MTARC1: variants seen among roughly 807,000 people sequenced by gnomAD.
MTARC1 encodes the protein mitochondrial amidoxime reducing component 1, also known as mitochondrial amidoxime-reducing component 1.
Under a neutral mutation model 33.6 loss-of-function variants are expected in MTARC1, and 24 were observed. The observed-to-expected ratio is 0.72, with a 90% CI of 0.52 to 1.01. The LOEUF is 1.01. MTARC1 is among the 50% of genes least tolerant of loss of function. MTARC1 has a pLI of 0.00. For missense variants in MTARC1, 417 were observed against 445.7 expected (o/e 0.94, Z 0.58); for synonymous variants, 187 against 189.5 (o/e 0.99, Z 0.11).
At chr1:220,800,304 T>A (rs895978944) in intron 4 of MTARC1, among the ~76,000 whole-genome samples, 1 of 152,214 alleles carries the variant, frequency 6.6e-6, no homozygotes, top group African/African-American at 2.4e-5. Context: ...AATTCACCCA[T>A]CATCGAGTGG....
rs1216589923 is a variant in MTARC1 at position 220,814,294 on chromosome 1, AT to A, written c.*882del. 1 of 152,248 alleles carries A rather than the reference AT, an allele frequency of 6.6e-6. No individual in the cohort carries two copies. Among genetic ancestry groups the A allele is most frequent in the African/African-American group, 2.4e-5 (1 of 41,474 alleles). 9.4% of individuals were successfully genotyped at this position (152,248 alleles called of 1,614,324 possible). A position where few individuals can be genotyped will look rare whatever the true frequency, so the allele number is the denominator to read the frequency against. On this transcript the variant is annotated 3_prime_UTR_variant, in exon 7 of 7. Transcript: ENST00000366910. ...ATAACTCTAAGATCTGATGAAGTAT[AT>A]TTTTTATTGCCATTTTGTCCTTTGA...
At position 220,805,133 on chromosome 1, in the gene MTARC1, C is replaced by T. The variant is rs1033684396; in HGVS notation, c.815+20C>T. The T allele has an allele frequency of 2.8e-5, 45 of 1,614,008 alleles. No homozygotes were observed. Among genetic ancestry groups the T allele is most frequent in the Non-Finnish European group, 3.7e-5 (44 of 1,180,014 alleles). Reference sequence around the variant, plus strand: ...TTCCAGGTAAGGTGCTTTCCTGTCCCTGTGGGGTGGAGGTGGGGATAAGTT... The same window carrying T: ...TTCCAGGTAAGGTGCTTTCCTGTCCTTGTGGGGTGGAGGTGGGGATAAGTT... On this transcript the variant is annotated intron_variant, in intron 5 of 6. Coordinates refer to ENST00000366910, the MANE Select transcript of MTARC1 (RefSeq NM_022746.4).
chr1:220,786,990 G>T lies in MTARC1; in HGVS notation c.46G>T (p.Ala16Ser). The change falls in exon 1 of 7, where the codon GCG becomes TCG. Residue 16 changes from alanine to serine, a missense_variant. Physicochemically the swap from Ala to Ser is moderately conservative, Grantham distance 99 (BLOSUM62 1). Coordinates refer to ENST00000366910, the MANE Select transcript of MTARC1 (RefSeq NM_022746.4). ...SSALARFVLL[A>S]QSRPGWLGVA... Reference sequence around the variant, plus strand: ...CGCGCTGGCGCGCTTTGTCCTCCTCGCGCAATCCCGGCCCGGGTGGCTCGG... The same window carrying T: ...CGCGCTGGCGCGCTTTGTCCTCCTCTCGCAATCCCGGCCCGGGTGGCTCGG... 3.1e-6 allele frequency: 4 copies of T among 1,283,654 alleles called. No homozygotes were observed. The South Asian group carries it at 1.2e-4, about 38-fold the overall frequency. 79.5% of individuals were successfully genotyped at this position (1,283,654 alleles called of 1,614,324 possible).
intron 4 of MTARC1, 28 bp from the exon 5 acceptor site, chr1:220,805,024 T>C (rs1189879735): frequency 1.2e-6 from 2 of 1,611,982 alleles, no homozygotes; most frequent in South Asian, 1.1e-5. Flanking sequence ...CCAGAGATGC[T>C]CATGGGAATT....
chr1:220,787,228 AAGCGCCGGCGCGGGGC>A lies in MTARC1; in HGVS notation c.275+15_275+30del. Reference sequence around the variant, plus strand: ...GGCAACCTGCGGGACAGGTACGGCCAAGCGCCGGCGCGGGGCAGCGCTGATCCGGCTCGGGGCAAGG... The same window carrying A: ...GGCAACCTGCGGGACAGGTACGGCCAAGCGCTGATCCGGCTCGGGGCAAGG... On this transcript the variant is annotated intron_variant, in intron 1 of 6. Coordinates refer to ENST00000366910, the MANE Select transcript of MTARC1 (RefSeq NM_022746.4). The A allele has an allele frequency of 6.4e-7, 1 of 1,557,746 alleles. No individual in the cohort carries two copies. Among genetic ancestry groups the A allele is most frequent in the South Asian group, 1.2e-5 (1 of 84,854 alleles).
chr1:220,792,732 A>G (rs1372348985), intron 2 of MTARC1, among the ~76,000 whole-genome samples: 1 of 150,980 alleles, frequency 6.6e-6, no homozygotes, highest in African/African-American at 2.4e-5. Flanking sequence ...CTCTATGCCT[A>G]CTACTTAAAA....
intron 6 of MTARC1, among the ~76,000 whole-genome samples, chr1:220,807,564 C>T (rs1383001372): frequency 1.3e-5 from 2 of 152,002 alleles, no homozygotes; most frequent in Non-Finnish European, 2.9e-5. Flanking sequence ...ATTTGGATGA[C>T]AGAGTGAGAC....
At chr1:220,793,338 T>C (rs1026470383) in intron 2 of MTARC1, 6 of 152,236 alleles carry the variant, frequency 3.9e-5, no homozygotes, top group South Asian at 2.1e-4. Context: ...TTTTAATTCA[T>C]TTGAAATTGT....
rs780284653 is a variant in MTARC1, at chr1:220,791,534, C to T, written c.319C>T (p.Arg107Cys). Residue 107 changes from arginine to cysteine, a missense_variant, in exon 2 of 7, where the codon CGC becomes TGC. Coordinates refer to ENST00000366910, the MANE Select transcript of MTARC1 (RefSeq NM_022746.4). ...CCAGGAGGGAAACATGGTTACTGCT[C>T]GCCAGGAACCTCGCCTGGTCCTGAT... ...INQEGNMVTA[R>C]QEPRLVLISL... 6 of 1,614,124 alleles carry T rather than the reference C, an allele frequency of 3.7e-6. No individual in the cohort carries two copies. Among genetic ancestry groups the T allele is most frequent in the South Asian group, 1.1e-5 (1 of 91,068 alleles).
At chr1:220,800,418 A>AC (rs58198442) in intron 4 of MTARC1, among the ~76,000 whole-genome samples, 115,907 of 151,380 alleles carry the variant, frequency 0.77, 45,081 homozygotes, top group African/African-American at 0.91. Flanking sequence ...CAGATAGTGA[A>AC]AAGTCACAGC....
intron 6 of MTARC1, among the ~76,000 whole-genome samples, chr1:220,807,596 A>G (rs573226849): frequency 4.6e-4 from 70 of 152,260 alleles, no homozygotes; most frequent in African/African-American, 1.7e-3. Flanking sequence ...AAAACAAACA[A>G]ACAAACAAAA....
chr1:220,797,008 C>CT (rs1672642672), intron 3 of MTARC1, among the ~76,000 whole-genome samples: 1 of 152,184 alleles, frequency 6.6e-6, no homozygotes, highest in Admixed American at 6.5e-5. Context: ...AATTTTTGCC[C>CT]TTGAGCATCT....
At chr1:220,793,294 C>T (rs141741561) in intron 2 of MTARC1, 1 of 151,988 alleles carries the variant, frequency 6.6e-6, no homozygotes, top group South Asian at 2.1e-4. Flanking sequence ...AGATATTTAC[C>T]CATATTTTCT....
chr1:220,791,545 T>C lies in MTARC1; in HGVS notation c.330T>C (p.Pro110=), dbSNP rs1201089758. 6.2e-7 allele frequency: 1 copy of C among 1,614,188 alleles called. No individual in the cohort carries two copies. The highest frequency in any genetic ancestry group is 1.1e-5 in the South Asian group (1 of 91,088). ...EGNMVTARQE[P]RLVLISLTCD... ...ACATGGTTACTGCTCGCCAGGAACC[T>C]CGCCTGGTCCTGATTTCCCTGACCT... The change falls in exon 2 of 7, where the codon CCT becomes CCC. Residue 110 remains proline, a synonymous_variant. Transcript: ENST00000366910.
In MTARC1 at chr1:220,815,969, A is replaced by G. The variant is rs1360793122; in HGVS notation, c.*2551A>G. 6.6e-6 allele frequency: 1 copy of G among 152,256 alleles called. No individual in the cohort carries two copies. Among genetic ancestry groups the G allele is most frequent in the East Asian group, 1.9e-4 (1 of 5,200 alleles). 9.4% of individuals were successfully genotyped at this position (152,256 alleles called of 1,614,324 possible). A position where few individuals can be genotyped will look rare whatever the true frequency, so the allele number is the denominator to read the frequency against. On this transcript the variant is annotated 3_prime_UTR_variant, in exon 7 of 7. Transcript: ENST00000366910. ...TGCTTTTGTGACTCTCCTGCAGAAA[A>G]TGTTAGAAACTTCCAACCGAAAGAC...
chr1:220,794,442 C>T (rs1672538997), intron 2 of MTARC1: 2 of 152,038 alleles, frequency 1.3e-5, no homozygotes, highest in African/African-American at 4.8e-5. Context: ...CTAAGCCCCC[C>T]ACATATATTC....
chr1:220,802,485 C>T (rs1672843181), intron 4 of MTARC1, among the ~76,000 whole-genome samples: 1 of 152,206 alleles, frequency 6.6e-6, no homozygotes, highest in Non-Finnish European at 1.5e-5. Context: ...GCAGACGCCA[C>T]CATGCCTGGC....
chr1:220,806,881 G>A (rs186010291), intron 6 of MTARC1, among the ~76,000 whole-genome samples: 69 of 152,324 alleles, frequency 4.5e-4, no homozygotes, highest in African/African-American at 1.5e-3. Context: ...GGTGGGTGGA[G>A]GGAATTACGG....
At position 220,791,269 on chromosome 1, in the gene MTARC1, T is replaced by C. The variant is rs1672411613; in HGVS notation, c.276-222T>C. ...AAGAGCTCAAACTGTTCTCCAGATA[T>C]ATGTTGGATGCTTGAGTGGTTATGA... On this transcript the variant is annotated intron_variant, in intron 1 of 6. Coordinates refer to ENST00000366910, the MANE Select transcript of MTARC1 (RefSeq NM_022746.4). 1.3e-5 allele frequency: 6 copies of C among 446,798 alleles called. No homozygotes were observed. The South Asian group carries it at 2.3e-4, about 17-fold the overall frequency. 27.7% of individuals were successfully genotyped at this position (446,798 alleles called of 1,614,324 possible).
Sources: gnomAD v4.1 joint callset for allele counts (sites outside exome capture counted in the v4.1 genomes callset) on GRCh38, gnomAD v4.1.1 for gene constraint, MANE v1.5 for transcripts, NCBI Gene and HGNC (gene_info 2026-07-23, HGNC 2026-07-21) for gene names.